Variants in DNAH17 observed in about 807,000 individuals in gnomAD.
The protein encoded by DNAH17 is dynein axonemal heavy chain 17.
DNAH17 carries 376 observed loss-of-function variants against 485.6 expected under a neutral mutation model. The ratio of observed to expected loss-of-function variants is 0.77; its 90% CI spans 0.71 to 0.84. The LOEUF (loss-of-function observed/expected upper bound fraction) is 0.84. Ranked by LOEUF, DNAH17 falls within the 40% of genes least tolerant of loss-of-function variation. The pLI is 0.00. For synonymous variants in DNAH17, 3,031 were observed against 2,405.9 expected (o/e 1.26, Z -7.60); for missense variants, 6,370 against 5,839.3 (o/e 1.09, Z -2.96).
intron 6 of DNAH17, 23 bp from the exon 7 acceptor site, chr17:78,570,395 A>G: frequency 6.2e-7 from 1 of 1,605,478 alleles, no homozygotes; most frequent in Non-Finnish European, 8.5e-7. Flanking sequence ...AGGCCCAGGC[A>G]CACTGGAGGG....
chr17:78,424,343 C>CG, intron 80 of DNAH17, 190 bp from the exon 81 acceptor site: 1 of 642,884 alleles, frequency 1.6e-6, no homozygotes, highest in East Asian at 2.8e-5. Flanking sequence ...GTAACTACCC[C>CG]GTCCCGCTGG....
At chr17:78,438,270 G>A (rs961109656) in intron 73 of DNAH17, among the ~76,000 whole-genome samples, 12 of 150,692 alleles carry the variant, frequency 8.0e-5, no homozygotes, top group African/African-American at 2.9e-4. Context: ...TGGAAGCTGG[G>A]ACAGGCCCAG....
In DNAH17 at chr17:78,571,314, G is replaced by A. The variant is rs555056978; in HGVS notation, c.797C>T (p.Pro266Leu). ...GTTGGTGTAAACGTTTTGCAGGGCT[G>A]GCCAGTAGCAGCTTTTGGCTTTCTC... ...ILEKAKSCYW[P>L]ALQNVYTNVT... Residue 266 changes from proline to leucine, a missense_variant, in exon 5 of 81, where the codon CCA becomes CTA. Physicochemically the swap from Pro to Leu is moderately conservative, Grantham distance 98. Transcript: ENST00000389840. 1.3e-5 allele frequency: 21 copies of A among 1,613,920 alleles called. No homozygotes were observed. In the South Asian group the frequency reaches 1.9e-4, roughly 14 times the overall value.
Position 78,454,571 on chromosome 17 carries a change from G to A in DNAH17, c.10305C>T (p.Thr3435=), listed in dbSNP as rs183757950. The change falls in exon 64 of 81, where the codon ACC becomes ACT. Residue 3435 remains threonine (T), a synonymous_variant. Coordinates refer to ENST00000389840, the MANE Select transcript of DNAH17 (RefSeq NM_173628.4). ...CGTCCACGATCAGCGGCCACCGCTC[G>A]GTGTTGCCCAGGATGGTGGCATTCT... ...STENATILGN[T]ERWPLIVDAQ... 37 of 1,613,082 alleles carry A rather than the reference G, an allele frequency of 2.3e-5. No homozygotes were observed. Among genetic ancestry groups the A allele is most frequent in the East Asian group, 6.7e-5 (3 of 44,860 alleles).
chr17:78,494,483 T>C, intron 40 of DNAH17, 110 bp downstream of exon 40: 1 of 1,252,914 alleles, frequency 8.0e-7, no homozygotes, highest in Non-Finnish European at 1.1e-6. Context: ...CTTTGTAGCA[T>C]CGGGAAACGT....
chr17:78,438,762 G>C (rs1013893542), intron 73 of DNAH17, among the ~76,000 whole-genome samples: 1 of 152,036 alleles, frequency 6.6e-6, no homozygotes, highest in Non-Finnish European at 1.5e-5. Context: ...GCCTCCCAAA[G>C]TGCTGGGCCT....
chr17:78,484,739 A>ACCCCCCTGCCCCCCCCCCCCC, intron 48 of DNAH17, 129 bp downstream of exon 48: 4 of 347,786 alleles, frequency 1.2e-5, no homozygotes, highest in Non-Finnish European at 9.1e-6. Context: ...ACGTTGCAGC[A>ACCCCCCTGCCCCCCCCCCCCC]CCCCCCCCAC....
chr17:78,456,675 A>G (rs2087816840), intron 62 of DNAH17, among the ~76,000 whole-genome samples: 1 of 152,170 alleles, frequency 6.6e-6, no homozygotes, highest in Non-Finnish European at 1.5e-5. Context: ...AAGTGTTGGC[A>G]TGTTTGTTGC....
chr17:78,477,174 C>T (rs2089069413), intron 51 of DNAH17, among the ~76,000 whole-genome samples: 1 of 152,160 alleles, frequency 6.6e-6, no homozygotes. Context: ...CCTGGAATTT[C>T]CCAGGCACAG....
At chr17:78,570,546 C>T (rs151116839) in intron 6 of DNAH17, among the ~76,000 whole-genome samples, 174 bp from the exon 7 acceptor site, 394 of 152,150 alleles carry the variant, frequency 2.6e-3, no homozygotes, top group Non-Finnish European at 4.1e-3. Flanking sequence ...AAGAAACCCA[C>T]GGCCCCACAT....
intron 3 of DNAH17, 69 bp downstream of exon 3, chr17:78,572,632 G>C (rs1308172164): frequency 3.7e-6 from 5 of 1,362,374 alleles, no homozygotes; most frequent in Admixed American, 4.3e-5. Flanking sequence ...GGAGTGGGGT[G>C]GGGGGTGGGG....
chr17:78,426,406 G>A (rs1400076067), intron 79 of DNAH17, 51 bp downstream of exon 79: 2 of 1,522,488 alleles, frequency 1.3e-6, no homozygotes, highest in Admixed American at 4.2e-5. Context: ...CCGAGCTCTG[G>A]GCACTCGGTC....
chr17:78,477,570 G>T (rs1347925942), intron 51 of DNAH17, among the ~76,000 whole-genome samples: 2 of 152,046 alleles, frequency 1.3e-5, no homozygotes, highest in African/African-American at 4.8e-5. Context: ...GTAGACACAG[G>T]GTTTCACCAT....
chr17:78,559,376 C>T lies in DNAH17; in HGVS notation c.2032-1122G>A, dbSNP rs117406572. Among the ~76,000 whole-genome samples, 728 of 152,344 alleles carry T rather than the reference C, an allele frequency of 4.8e-3. 3 individuals carry two copies. The highest frequency in any genetic ancestry group is 0.017 in the Middle Eastern group (5 of 294). ...CCTCTGCCCCACCTGCCCTCTTGGC[C>T]AATGGCAATTCTACCTGTCTACTCA... is the stretch of plus-strand genomic sequence containing the variant. On this transcript the variant is annotated intron_variant, in intron 13 of 80. Transcript: ENST00000389840.
Position 78,489,808 on chromosome 17 carries a change from C to T in DNAH17, c.6818+891G>A, listed in dbSNP as rs1315754298. On this transcript the variant is annotated intron_variant, in intron 44 of 80. Transcript: ENST00000389840. ...GGGTTGGACACACATGGCAGGTGTGCGAAGTACTGGGTGGGCGGGAGGGTG... is the reference window on the plus strand; with the variant it reads ...GGGTTGGACACACATGGCAGGTGTGTGAAGTACTGGGTGGGCGGGAGGGTG... Among the ~76,000 whole-genome samples the T allele has an allele frequency of 1.1e-4, 12 of 107,732 alleles. No individual in the cohort carries two copies. The Admixed American group carries it at 1.1e-3, about 10-fold the overall frequency. 70.7% of individuals were successfully genotyped at this position (107,732 alleles called of 152,430 possible).
At chr17:78,527,133 A>C in intron 22 of DNAH17, 137 bp from the exon 23 acceptor site, 5 of 662,730 alleles carry the variant, frequency 7.5e-6, no homozygotes, top group Non-Finnish European at 7.4e-6. Flanking sequence ...CTGTAATCTC[A>C]GCACTTTGGG....
At position 78,505,397 on chromosome 17, in the gene DNAH17, A is replaced by C; in HGVS notation, c.4852T>G (p.Phe1618Val). Residue 1618 changes from phenylalanine (F) to valine (V), a missense_variant, in exon 31 of 81, where the codon TTC becomes GTC. By Grantham distance (50) the Phe-to-Val change is conservative. Coordinates refer to ENST00000389840, the MANE Select transcript of DNAH17 (RefSeq NM_173628.4). Reference sequence around the variant, plus strand: ...GGTTTGTCACTGGCATCGAGCCGGAACTTCAGTTTACACAGGCTATCGAAG... The same window carrying C: ...GGTTTGTCACTGGCATCGAGCCGGACCTTCAGTTTACACAGGCTATCGAAG... ...KLFDSLCKLKFRLDASDKPLK... is the reference protein window; with the variant it reads ...KLFDSLCKLKVRLDASDKPLK... 1 of 1,613,998 alleles carries C rather than the reference A, an allele frequency of 6.2e-7. No individual in the cohort carries two copies. The highest frequency in any genetic ancestry group is 8.5e-7 in the Non-Finnish European group (1 of 1,179,884).
intron 38 of DNAH17, 109 bp downstream of exon 38, chr17:78,495,766 C>A: frequency 7.4e-7 from 1 of 1,353,592 alleles, no homozygotes; most frequent in Admixed American, 2.5e-5. Context: ...GACTTCTTCC[C>A]TCCCCAGCTT....
rs1185314036 is a variant in DNAH17, at chr17:78,463,067, T to C, written c.8951A>G (p.Lys2984Arg). The C allele has an allele frequency of 1.9e-6, 3 of 1,613,838 alleles. No homozygotes were observed. The highest frequency in any genetic ancestry group is 1.1e-5 in the South Asian group (1 of 91,062). ...EETEGIPWEV[K>R]ASISFFMSYV... ...GGACATGAAGAAGCTGATGGAGGCCTTGACTTCCCACTACAAAGATGAGAC... is the reference window on the plus strand; with the variant it reads ...GGACATGAAGAAGCTGATGGAGGCCCTGACTTCCCACTACAAAGATGAGAC... Residue 2984 changes from lysine to arginine, a missense_variant, in exon 57 of 81, where the codon AAG becomes AGG. Physicochemically the swap from Lys to Arg is conservative, Grantham distance 26 (BLOSUM62 2). Transcript: ENST00000389840.
Sources: allele counts gnomAD v4.1 joint callset (sites outside exome capture counted in the v4.1 genomes callset), GRCh38; gene constraint gnomAD v4.1.1; transcripts MANE v1.5; gene names NCBI Gene and HGNC (gene_info 2026-07-23, HGNC 2026-07-21).